ZNF827: variants seen among roughly 807,000 people sequenced by gnomAD.
The protein encoded by ZNF827 is zinc finger protein 827.
Under a neutral mutation model 102.4 loss-of-function variants are expected in ZNF827, and 13 were observed. The observed-to-expected ratio is 0.13, with a 90% CI of 0.08 to 0.20. ZNF827 has a LOEUF of 0.20. ZNF827 is among the 10% of genes least tolerant of loss of function. ZNF827 has a pLI of 1.00. For synonymous variants in ZNF827, 523 were observed against 536.2 expected, an observed-to-expected ratio of 0.98 and a Z score of 0.34; for missense variants, 1,103 against 1,344.4, an observed-to-expected ratio of 0.82 and a Z score of 2.81.
intron 7 of ZNF827, among the ~76,000 whole-genome samples, chr4:145,838,844 A>ATG (rs1333838652): frequency 1.3e-5 from 2 of 152,238 alleles, no homozygotes; most frequent in Non-Finnish European, 2.9e-5. Flanking sequence ...TCTGGAAATA[A>ATG]GTTACTTTTA....
chr4:145,825,925 G>A (rs1200838913), intron 7 of ZNF827, among the ~76,000 whole-genome samples: 1 of 152,194 alleles, frequency 6.6e-6, no homozygotes, highest in East Asian at 1.9e-4. Context: ...GAGTCCTGCT[G>A]GATACTAAAA....
At chr4:145,823,342 G>A in intron 8 of ZNF827, 80 bp downstream of exon 8, 1 of 1,184,318 alleles carries the variant, frequency 8.4e-7, no homozygotes, top group Non-Finnish European at 1.3e-6. Flanking sequence ...TAAGCTGAAA[G>A]TATCTGAAAA....
chr4:145,919,996 C>T (rs918443653), intron 1 of ZNF827, among the ~76,000 whole-genome samples: 2 of 152,242 alleles, frequency 1.3e-5, no homozygotes, highest in East Asian at 3.8e-4. Context: ...CTGAAGTCTA[C>T]AAGCACCTTC....
At chr4:145,901,307 C>T (rs763846599) in intron 2 of ZNF827, among the ~76,000 whole-genome samples, 69 of 152,300 alleles carry the variant, frequency 4.5e-4, no homozygotes, top group Non-Finnish European at 8.5e-4. Context: ...ATCCCAGGAA[C>T]GTGTATTTAT....
chr4:145,889,585 G>T (rs1579487168), intron 3 of ZNF827, among the ~76,000 whole-genome samples: 3 of 143,104 alleles, frequency 2.1e-5, no homozygotes. Context: ...ACGGAGTCTA[G>T]CTCTGTCGCC....
At position 145,878,797 on chromosome 4, in the gene ZNF827, G is replaced by C. The variant is rs545859512; in HGVS notation, c.1747+6881C>G. 1.5e-4 allele frequency among the ~76,000 whole-genome samples: 22 copies of C among 149,540 alleles called. No individual in the cohort carries two copies. In the South Asian group the frequency reaches 4.5e-3, roughly 31 times the overall value. ...GAAGGAAAGGAGGAAGGAAGGAAAAGAGCTAGCCAGACAGGAGCATGATCT... is the reference window on the plus strand; with the variant it reads ...GAAGGAAAGGAGGAAGGAAGGAAAACAGCTAGCCAGACAGGAGCATGATCT... On this transcript the variant is annotated intron_variant, in intron 4 of 14. Coordinates refer to ENST00000508784, the MANE Select transcript of ZNF827 (RefSeq NM_001306215.2).
chr4:145,916,653 C>A (rs978219325), intron 1 of ZNF827, among the ~76,000 whole-genome samples: 3 of 152,194 alleles, frequency 2.0e-5, no homozygotes, highest in African/African-American at 7.2e-5. Context: ...TGAAAATGTT[C>A]TTTCATTCTC....
chr4:145,914,255 G>A (rs756275983), intron 1 of ZNF827, among the ~76,000 whole-genome samples: 2 of 152,146 alleles, frequency 1.3e-5, no homozygotes, highest in Non-Finnish European at 2.9e-5. Context: ...AGGGAAAAGA[G>A]ACAAAATAGA....
chr4:145,820,285 A>G (rs1716582671), intron 8 of ZNF827, among the ~76,000 whole-genome samples: 2 of 152,188 alleles, frequency 1.3e-5, no homozygotes, highest in South Asian at 4.1e-4. Context: ...TGTTGAAATA[A>G]TGCTATGTAT....
At chr4:145,841,070 GC>G (rs1745370911) in intron 7 of ZNF827, among the ~76,000 whole-genome samples, 1 of 152,194 alleles carries the variant, frequency 6.6e-6, no homozygotes, top group African/African-American at 2.4e-5. Flanking sequence ...AACAAAGCAA[GC>G]CAGGTGTGAG....
intron 2 of ZNF827, among the ~76,000 whole-genome samples, chr4:145,900,444 G>C (rs183396245): frequency 6.6e-6 from 1 of 151,606 alleles, no homozygotes; most frequent in Non-Finnish European, 1.5e-5. Flanking sequence ...TTGAGACAGA[G>C]TCTCATCCAG....
intron 4 of ZNF827, among the ~76,000 whole-genome samples, chr4:145,882,493 C>T (rs773059907): frequency 6.6e-6 from 1 of 151,634 alleles, no homozygotes; most frequent in African/African-American, 2.4e-5. Flanking sequence ...CAATCATGCA[C>T]GTTAAGAAAC....
At chr4:145,918,264 CT>C (rs1752809976) in intron 1 of ZNF827, among the ~76,000 whole-genome samples, 2 of 134,290 alleles carry the variant, frequency 1.5e-5, no homozygotes, top group Non-Finnish European at 3.0e-5. Context: ...CATATAGTCT[CT>C]GTCCTTATAT....
intron 8 of ZNF827, among the ~76,000 whole-genome samples, chr4:145,802,090 T>G (rs1740966301): frequency 6.6e-6 from 1 of 152,208 alleles, no homozygotes; most frequent in African/African-American, 2.4e-5. Flanking sequence ...TCTGTGAAAG[T>G]ACATAACTAA....
chr4:145,829,740 C>A (rs1322118132), intron 7 of ZNF827, among the ~76,000 whole-genome samples: 2 of 152,208 alleles, frequency 1.3e-5, no homozygotes, highest in African/African-American at 4.8e-5. Context: ...CCCTGGGCCC[C>A]TCACCAGGTG....
intron 13 of ZNF827, chr4:145,764,754 C>G: frequency 1.8e-6 from 1 of 563,154 alleles, no homozygotes. Flanking sequence ...TTTTCTTGCC[C>G]TGAATCCCGG....
At position 145,821,754 on chromosome 4, in the gene ZNF827, A is replaced by G. The variant is rs375085971; in HGVS notation, c.2383+1668T>C. 3.3e-5 allele frequency among the ~76,000 whole-genome samples: 5 copies of G among 152,276 alleles called. No homozygotes were observed. The East Asian group carries it at 9.6e-4, about 29-fold the overall frequency. ...ATAAGAGTTAAGCTTTTAAAGTGTG[A>G]GTTCATCTAATGTCTAACGTAAGTT... On this transcript the variant is annotated intron_variant, in intron 8 of 14. Transcript: ENST00000508784.
intron 2 of ZNF827, among the ~76,000 whole-genome samples, chr4:145,898,674 CCCT>C (rs778639623): frequency 5.9e-5 from 9 of 152,132 alleles, no homozygotes; most frequent in Non-Finnish European, 1.0e-4. Flanking sequence ...AGAAACCTCC[CCCT>C]CAAGTGTCAC....
chr4:145,768,916 T>TATATATATATATATATATATATATATAA (rs34051922), intron 11 of ZNF827, among the ~76,000 whole-genome samples: 1 of 34,416 alleles, frequency 2.9e-5, no homozygotes, highest in African/African-American at 1.0e-4. Context: ...TATATATATA[T>TATATATATATATATATATATATATATAA]TAGGTATACA....
Sources: allele counts gnomAD v4.1 joint callset (sites outside exome capture counted in the v4.1 genomes callset), GRCh38; gene constraint gnomAD v4.1.1; transcripts MANE v1.5; gene names NCBI Gene and HGNC (gene_info 2026-07-23, HGNC 2026-07-21).